The following MEF2C variants were observed in gnomAD, a reference collection of about 807,000 sequenced individuals.
MEF2C encodes the protein myocyte enhancer factor 2C.
In MEF2C, 6 loss-of-function variants were observed where a neutral mutation model predicts 50.5. That is an observed-to-expected ratio of 0.12 (90% CI 0.07 to 0.23). MEF2C has a LOEUF of 0.23. Among genes scored for constraint, MEF2C ranks in the 10% least tolerant of loss-of-function variants. The probability of loss-of-function intolerance (pLI) is 1.00; values close to 1 mark genes in which losing one functional copy is unlikely to be tolerated. For synonymous variants in MEF2C, 183 were observed against 228.0 expected (o/e 0.80, Z 1.78); for missense variants, 276 against 605.0 (o/e 0.46, Z 5.70).
At chr5:88,858,789 C>T (rs1340657862) in intron 1 of MEF2C, among the ~76,000 whole-genome samples, 4 of 152,248 alleles carry the variant, frequency 2.6e-5, no homozygotes, top group South Asian at 2.1e-4. Context: ...GAATAAAAAA[C>T]GCTATTTTTA....
rs1244083930 is a variant in MEF2C, at chr5:88,722,646, G to A, written c.1380C>T (p.Pro460=). 6.2e-7 allele frequency: 1 copy of A among 1,613,822 alleles called. No individual in the cohort carries two copies. The highest frequency in any genetic ancestry group is 1.1e-5 in the South Asian group (1 of 91,068). The change falls in exon 11 of 11, where the codon CCC becomes CCT. Residue 460 remains proline (P), a synonymous_variant. Coordinates refer to ENST00000504921, the MANE Select transcript of MEF2C (RefSeq NM_002397.5). ...TRPSPDERES[P]SVKRMRLSEG... ...CAGAAAGTCGCATGCGCTTGACTGA[G>A]GGACTTTCCCTTTCGTCCGGCGAAG...
chr5:88,896,789 G>A (rs1305305324), intron 1 of MEF2C, among the ~76,000 whole-genome samples: 4 of 152,134 alleles, frequency 2.6e-5, no homozygotes, highest in African/African-American at 9.7e-5. Flanking sequence ...TAAATAGCTA[G>A]CCAACAGATT....
At chr5:88,802,714 G>C (rs1466798502) in intron 3 of MEF2C, among the ~76,000 whole-genome samples, 1 of 152,186 alleles carries the variant, frequency 6.6e-6, no homozygotes, top group Admixed American at 6.5e-5. Flanking sequence ...CTCCCAAAGT[G>C]TTGGCATTAT....
intron 1 of MEF2C, among the ~76,000 whole-genome samples, chr5:88,900,259 T>C (rs1192216609): frequency 6.6e-6 from 1 of 151,758 alleles, no homozygotes; most frequent in East Asian, 1.9e-4. Context: ...ATTAATAATT[T>C]TGGAATTAAT....
At chr5:88,895,622 A>T (rs1835040427) in intron 1 of MEF2C, among the ~76,000 whole-genome samples, 2 of 152,106 alleles carry the variant, frequency 1.3e-5, no homozygotes, top group Non-Finnish European at 2.9e-5. Context: ...GATGTTGTGA[A>T]AGTTTGTCTT....
At chr5:88,724,842 A>G (rs983854432) in intron 10 of MEF2C, among the ~76,000 whole-genome samples, 4 of 152,262 alleles carry the variant, frequency 2.6e-5, no homozygotes, top group African/African-American at 9.6e-5. Flanking sequence ...AAGAAAGACC[A>G]TTTCACTAAA....
At chr5:88,742,813 T>C (rs1767453597) in intron 6 of MEF2C, 1 of 985,196 alleles carries the variant, frequency 1.0e-6, no homozygotes, top group Non-Finnish European at 1.2e-6. Context: ...CTTGGTTTTG[T>C]ATATGGAAAG....
At chr5:88,815,314 A>G (rs1219357058) in intron 2 of MEF2C, among the ~76,000 whole-genome samples, 4 of 152,030 alleles carry the variant, frequency 2.6e-5, no homozygotes, top group African/African-American at 9.7e-5. Flanking sequence ...ACAATAGCCT[A>G]GGTTTTACCT....
At chr5:88,736,643 T>G in intron 6 of MEF2C, 1 of 985,350 alleles carries the variant, frequency 1.0e-6, no homozygotes, top group South Asian at 4.7e-5. Flanking sequence ...TGCAAACTTT[T>G]GTGCATTTGT....
At chr5:88,729,147 G>T in intron 9 of MEF2C, 71 bp downstream of exon 9, 1 of 1,582,868 alleles carries the variant, frequency 6.3e-7, no homozygotes, top group Admixed American at 1.7e-5. Context: ...TAGAGTAAAA[G>T]ATAACTTTTT....
At chr5:88,778,718 G>T (rs1437246909) in intron 3 of MEF2C, among the ~76,000 whole-genome samples, 1 of 152,124 alleles carries the variant, frequency 6.6e-6, no homozygotes, top group Non-Finnish European at 1.5e-5. Context: ...TAAAGTAAAT[G>T]ACTTAAACTT....
intron 6 of MEF2C, chr5:88,734,348 G>A (rs1249817175): frequency 1.0e-6 from 1 of 985,036 alleles, no homozygotes; most frequent in African/African-American, 1.8e-5. Flanking sequence ...CAAAAGAAGG[G>A]GGAGAAAAAA....
At chr5:88,752,184 T>C in intron 4 of MEF2C, 141 bp from the exon 5 acceptor site, 1 of 626,186 alleles carries the variant, frequency 1.6e-6, no homozygotes, top group Non-Finnish European at 2.6e-6. Context: ...AGAAGAGCTC[T>C]CAAGACGTTC....
intron 1 of MEF2C, among the ~76,000 whole-genome samples, chr5:88,869,280 T>TATATATATATATATACATATATATATAC (rs1561420326): frequency 1.4e-4 from 10 of 73,928 alleles, no homozygotes; most frequent in Admixed American, 5.1e-4. Flanking sequence ...TATATATACA[T>TATATATATATATATACATATATATATAC]ATATATATAT....
intron 3 of MEF2C, among the ~76,000 whole-genome samples, chr5:88,775,337 C>T (rs1271147686): frequency 1.3e-5 from 2 of 151,976 alleles, no homozygotes; most frequent in Admixed American, 1.3e-4. Flanking sequence ...CTAGTGTAGG[C>T]AATTATGAAT....
chr5:88,827,432 A>G (rs1217857622), intron 1 of MEF2C, among the ~76,000 whole-genome samples: 2 of 151,908 alleles, frequency 1.3e-5, no homozygotes, highest in Non-Finnish European at 2.9e-5. Context: ...GAAGTGTAAA[A>G]TGGGAACCAA....
intron 6 of MEF2C, chr5:88,744,190 A>AGC: frequency 1.1e-6 from 1 of 908,038 alleles, no homozygotes; most frequent in Non-Finnish European, 1.3e-6. Flanking sequence ...TATTTCCATT[A>AGC]AATCTAATGA....
chr5:88,780,671 T>A (rs546326691), intron 3 of MEF2C: 3 of 769,278 alleles, frequency 3.9e-6, no homozygotes, highest in African/African-American at 1.9e-5. Context: ...GCACAACATA[T>A]ATATTTCACT....
At chr5:88,891,642 C>A (rs1269351772) in intron 1 of MEF2C, among the ~76,000 whole-genome samples, 1 of 152,074 alleles carries the variant, frequency 6.6e-6, no homozygotes, top group African/African-American at 2.4e-5. Context: ...GATCTCCTGA[C>A]CTCGTGATCT....
Sources: allele counts gnomAD v4.1 joint callset (sites outside exome capture counted in the v4.1 genomes callset), GRCh38; gene constraint gnomAD v4.1.1; transcripts MANE v1.5; gene names NCBI Gene and HGNC (gene_info 2026-07-23, HGNC 2026-07-21).